AGBL4: variants seen among roughly 807,000 people sequenced by gnomAD.
AGBL4 encodes cytosolic carboxypeptidase 6.
A neutral mutation model predicts 66.4 loss-of-function variants in AGBL4; 58 were observed. The observed-to-expected ratio is 0.87, with a 90% confidence interval of 0.71 to 1.09. The LOEUF (loss-of-function observed/expected upper bound fraction) is 1.09, where lower values mean the gene tolerates loss of function less well. AGBL4 is among the 50% of genes least tolerant of loss of function. AGBL4 has a pLI of 0.00. For missense variants in AGBL4, 579 were observed against 631.0 expected, an observed-to-expected ratio of 0.92 and a Z score of 0.88; for synonymous variants, 234 against 222.9, an observed-to-expected ratio of 1.05 and a Z score of -0.44.
chr1:49,107,202 T>C (rs1330373258), intron 4 of AGBL4, among the ~76,000 whole-genome samples: 1 of 152,182 alleles, frequency 6.6e-6, no homozygotes, highest in East Asian at 1.9e-4. Context: ...AGCCATTCTA[T>C]ATTTTTACTT....
chr1:49,787,246 T>C (rs1326588015), intron 2 of AGBL4, among the ~76,000 whole-genome samples: 2 of 152,176 alleles, frequency 1.3e-5, no homozygotes, highest in Admixed American at 1.3e-4. Context: ...CTCACGCCTA[T>C]AATCCCAGCA....
At chr1:49,419,196 G>T (rs975094037) in intron 3 of AGBL4, among the ~76,000 whole-genome samples, 14 of 152,138 alleles carry the variant, frequency 9.2e-5, no homozygotes, top group Non-Finnish European at 1.3e-4. Context: ...GATAAATAGT[G>T]TATTGGGTCA....
At position 49,570,515 on chromosome 1, in the gene AGBL4, A is replaced by C. The variant is rs181989764; in HGVS notation, c.282+126798T>G. On this transcript the variant is annotated intron_variant, in intron 3 of 13. Coordinates refer to ENST00000371839, the MANE Select transcript of AGBL4 (RefSeq NM_032785.4). Reference sequence around the variant, plus strand: ...TCCTCTGTTAGATGCATTATTTCCAAATGTTTTTTCCTATTCTGTAGGCAG... The same window carrying C: ...TCCTCTGTTAGATGCATTATTTCCACATGTTTTTTCCTATTCTGTAGGCAG... Among the ~76,000 whole-genome samples, 4 of 152,094 alleles carry C rather than the reference A, an allele frequency of 2.6e-5. No homozygotes were observed. The East Asian group carries it at 7.7e-4, about 29-fold the overall frequency.
intron 3 of AGBL4, among the ~76,000 whole-genome samples, chr1:49,605,231 G>A (rs950686021): frequency 2.6e-5 from 4 of 152,094 alleles, no homozygotes; most frequent in South Asian, 4.1e-4. Context: ...GAGTCAAATG[G>A]TAAGAGAATA....
At chr1:48,791,802 T>C (rs775745710) in intron 6 of AGBL4, among the ~76,000 whole-genome samples, 1 of 152,194 alleles carries the variant, frequency 6.6e-6, no homozygotes, top group Non-Finnish European at 1.5e-5. Context: ...GGCACTGGTG[T>C]TCATAAAACA....
chr1:48,886,604 G>A lies in AGBL4; in HGVS notation c.595-19374C>T, dbSNP rs376074362. ...GTCTCACTCTGTTGCCCAAGCTGGA[G>A]TGCAGTGGCGCTATCTCCACTCACT... On this transcript the variant is annotated intron_variant, in intron 5 of 13. Transcript: ENST00000371839. 3.3e-5 allele frequency among the ~76,000 whole-genome samples: 5 copies of A among 152,130 alleles called. No homozygotes were observed. The East Asian group carries it at 9.7e-4, about 29-fold the overall frequency.
At chr1:49,246,128 T>C (rs1386449225) in intron 3 of AGBL4, among the ~76,000 whole-genome samples, 1 of 151,948 alleles carries the variant, frequency 6.6e-6, no homozygotes, top group Non-Finnish European at 1.5e-5. Flanking sequence ...GCCAAGCTAC[T>C]AAAGATCTGT....
intron 9 of AGBL4, among the ~76,000 whole-genome samples, chr1:48,615,436 T>G (rs1224056873): frequency 1.3e-5 from 2 of 152,144 alleles, no homozygotes; most frequent in Non-Finnish European, 2.9e-5. Context: ...GAGATAGAAA[T>G]CTGAGCTACA....
At chr1:49,372,605 CTTTTTCTTTCT>C (rs1422427755) in intron 3 of AGBL4, among the ~76,000 whole-genome samples, 1 of 141,424 alleles carries the variant, frequency 7.1e-6, no homozygotes, top group African/African-American at 2.6e-5. Flanking sequence ...TTTTCTTTTT[CTTTTTCTTTCT>C]TTCTTTCTTT....
At chr1:48,774,802 T>C (rs779025272) in intron 6 of AGBL4, among the ~76,000 whole-genome samples, 2 of 152,190 alleles carry the variant, frequency 1.3e-5, no homozygotes, top group Non-Finnish European at 2.9e-5. Context: ...ACAGTGTATA[T>C]GTATGTTTGC....
chr1:48,689,219 A>AAAAAGAAAAGAAAAG lies in AGBL4; in HGVS notation c.635-25993_635-25979dup, dbSNP rs1174074579. Among the ~76,000 whole-genome samples the AAAAAGAAAAGAAAAG allele has an allele frequency of 1.3e-3, 187 of 141,536 alleles. 2 individuals are homozygous for AAAAAGAAAAGAAAAG. The highest frequency in any genetic ancestry group is 5.0e-3 in the African/African-American group (162 of 32,320). The allele number at this position is 141,536 out of a possible 152,430, so 92.9% of individuals were successfully genotyped here. On this transcript the variant is annotated intron_variant, in intron 6 of 13. Coordinates refer to ENST00000371839, the MANE Select transcript of AGBL4 (RefSeq NM_032785.4). The stretch of plus-strand genomic sequence containing the variant: ...ACCCGGTCTCAAAAAAAAAAAAAAA[A>AAAAAGAAAAGAAAAG]AAAAGAAAAGAAAAGAAAAGAAACA...
rs188301615 is a variant in AGBL4, at chr1:49,379,072, G to A, written c.283-133208C>T. On this transcript the variant is annotated intron_variant, in intron 3 of 13. Transcript: ENST00000371839. The stretch of plus-strand genomic sequence containing the variant: ...AGGCCTATGAAGACTAGACAAATGC[G>A]AAATTTGTATGCCCTAGTATAGTGT... 2.4e-3 allele frequency among the ~76,000 whole-genome samples: 368 copies of A among 152,186 alleles called. 3 individuals carry two copies. Among genetic ancestry groups the A allele is most frequent in the Admixed American group, 3.0e-3 (45 of 15,248 alleles).
chr1:49,288,116 A>C (rs1456628697), intron 3 of AGBL4, among the ~76,000 whole-genome samples: 4 of 143,950 alleles, frequency 2.8e-5, no homozygotes, highest in Non-Finnish European at 6.1e-5. Flanking sequence ...TCGCAAGAAC[A>C]AAAAACCAAA....
At chr1:49,808,576 T>C (rs1459281162) in intron 2 of AGBL4, among the ~76,000 whole-genome samples, 1 of 152,172 alleles carries the variant, frequency 6.6e-6, no homozygotes, top group Non-Finnish European at 1.5e-5. Flanking sequence ...GACATTCTTT[T>C]TATATTTCTG....
At chr1:49,746,871 T>C (rs1003915451) in intron 2 of AGBL4, among the ~76,000 whole-genome samples, 6 of 152,108 alleles carry the variant, frequency 3.9e-5, no homozygotes, top group African/African-American at 1.4e-4. Flanking sequence ...AGTTGTGTAA[T>C]ATATTGATGA....
At chr1:49,311,126 G>A (rs1483831078) in intron 3 of AGBL4, among the ~76,000 whole-genome samples, 1 of 151,886 alleles carries the variant, frequency 6.6e-6, no homozygotes, top group East Asian at 1.9e-4. Flanking sequence ...GATAGTGATC[G>A]GTATTATCAC....
At chr1:49,310,003 G>A (rs1301452527) in intron 3 of AGBL4, among the ~76,000 whole-genome samples, 1 of 152,024 alleles carries the variant, frequency 6.6e-6, no homozygotes, top group African/African-American at 2.4e-5. Context: ...TCCTCACCTG[G>A]AGGTCAGTTT....
chr1:49,879,545 G>A (rs893895444), intron 1 of AGBL4, among the ~76,000 whole-genome samples: 11 of 147,208 alleles, frequency 7.5e-5, no homozygotes, highest in African/African-American at 2.5e-4. Flanking sequence ...TAGTCTGATG[G>A]GCTTCCCTTT....
At position 49,368,863 on chromosome 1, in the gene AGBL4, G is replaced by A. The variant is rs187765903; in HGVS notation, c.283-122999C>T. Among the ~76,000 whole-genome samples the A allele has an allele frequency of 6.6e-5, 10 of 152,074 alleles. No individual in the cohort carries two copies. The East Asian group carries it at 9.7e-4, about 15-fold the overall frequency. The stretch of plus-strand genomic sequence containing the variant: ...ACTGAGGCAGGTGGATCACTTGAAC[G>A]CAGGAGTTTGAGACCAGCCTGGGCA... On this transcript the variant is annotated intron_variant, in intron 3 of 13. Transcript: ENST00000371839.
Sources: allele counts gnomAD v4.1 joint callset (sites outside exome capture counted in the v4.1 genomes callset), GRCh38; gene constraint gnomAD v4.1.1; transcripts MANE v1.5; gene names NCBI Gene and HGNC (gene_info 2026-07-23, HGNC 2026-07-21).